Variants in GRIK5 observed in about 807,000 individuals in gnomAD.
GRIK5 encodes the protein glutamate receptor ionotropic, kainate 5.
Under a neutral mutation model 97.4 loss-of-function variants are expected in GRIK5, and 43 were observed. The ratio of observed to expected loss-of-function variants is 0.44; its 90% CI spans 0.35 to 0.57. The LOEUF (loss-of-function observed/expected upper bound fraction) is 0.57. Ranked by LOEUF, GRIK5 falls within the 20% of genes least tolerant of loss-of-function variation. The pLI is 0.01. For synonymous variants in GRIK5, 580 were observed against 583.5 expected (o/e 0.99, Z 0.09); for missense variants, 1,015 against 1,382.0 (o/e 0.73, Z 4.21).
chr19:42,010,961 A>G (rs1304754065), intron 15 of GRIK5, among the ~76,000 whole-genome samples: 2 of 151,900 alleles, frequency 1.3e-5, no homozygotes, highest in South Asian at 2.1e-4. Flanking sequence ...ATGCATCACC[A>G]TGCCTGGCTA....
chr19:42,012,900 G>C (rs1158515981), intron 15 of GRIK5, among the ~76,000 whole-genome samples: 6 of 151,378 alleles, frequency 4.0e-5, no homozygotes, highest in African/African-American at 1.5e-4. Flanking sequence ...TATGACACAT[G>C]ACTTATATAA....
intron 3 of GRIK5, chr19:42,063,359 AG>A: frequency 2.2e-6 from 1 of 456,718 alleles, no homozygotes; most frequent in East Asian, 6.9e-5. Context: ...CAAGACTGGG[AG>A]GTGGAAAGCT....
At chr19:42,007,978 T>C (rs1374039921) in intron 15 of GRIK5, among the ~76,000 whole-genome samples, 1 of 152,012 alleles carries the variant, frequency 6.6e-6, no homozygotes, top group Non-Finnish European at 1.5e-5. Flanking sequence ...AGAAAAAGTT[T>C]ATAAATACTC....
intron 12 of GRIK5, among the ~76,000 whole-genome samples, chr19:42,035,990 A>ATGTTTT: frequency 6.6e-6 from 1 of 152,240 alleles, no homozygotes; most frequent in African/African-American, 2.4e-5. Context: ...ACTTAATACA[A>ATGTTTT]ATATGTTTTA....
At chr19:42,026,549 C>T (rs1031508513) in intron 12 of GRIK5, among the ~76,000 whole-genome samples, 2 of 151,118 alleles carry the variant, frequency 1.3e-5, no homozygotes, top group African/African-American at 2.4e-5. Flanking sequence ...CCACCGCACC[C>T]GGCCCTATTT....
Position 42,010,325 on chromosome 19 carries a change from C to T in GRIK5, c.1872-3515G>A, listed in dbSNP as rs117883761. On this transcript the variant is annotated intron_variant, in intron 15 of 19. Transcript: ENST00000593562. The stretch of plus-strand genomic sequence containing the variant: ...ACTTGCAGATGTAAGCTCCATAAAC[C>T]CCAGGTAGGCTAAACACACATATTT... 3.9e-4 allele frequency among the ~76,000 whole-genome samples: 59 copies of T among 152,124 alleles called. No individual in the cohort carries two copies. In the East Asian group the frequency reaches 7.9e-3, roughly 20 times the overall value.
chr19:42,003,589 G>A lies in GRIK5; in HGVS notation c.2358C>T (p.Gly786=), dbSNP rs1555871643. ...EILKRKWWEG[G]RCPKEEDHRA... is the part of the protein sequence containing the mutation. ...GATGGTCCTCCTCCTTGGGGCACCGGCCCCCCTCCCACCACTTGCGCTTCA... is the reference window on the plus strand; with the variant it reads ...GATGGTCCTCCTCCTTGGGGCACCGACCCCCCTCCCACCACTTGCGCTTCA... The change falls in exon 18 of 20, where the codon GGC becomes GGT. Residue 786 remains glycine (G), a synonymous_variant. Transcript: ENST00000593562. This position sits in a 1 kb window ranked among gnomAD's most constrained non-coding sequence, Gnocchi z 4.2. 2 of 1,612,938 alleles carry A rather than the reference G, an allele frequency of 1.2e-6. No homozygotes were observed. Among genetic ancestry groups the A allele is most frequent in the East Asian group, 2.2e-5 (1 of 44,856 alleles).
chr19:42,066,129 G>C (rs886219101), intron 1 of GRIK5, among the ~76,000 whole-genome samples: 1 of 152,130 alleles, frequency 6.6e-6, no homozygotes, highest in Non-Finnish European at 1.5e-5. Flanking sequence ...TCTCAGGTAG[G>C]AGTGAATTCC....
chr19:42,057,329 G>A (rs1352340529), intron 6 of GRIK5, among the ~76,000 whole-genome samples: 1 of 151,856 alleles, frequency 6.6e-6, no homozygotes, highest in African/African-American at 2.4e-5. Context: ...TCCTTCTGGA[G>A]ATAGGCAAGA....
In GRIK5 at chr19:42,015,225, T is replaced by C. The variant is rs111259712; in HGVS notation, c.1871+6076A>G. 2.1e-4 allele frequency among the ~76,000 whole-genome samples: 32 copies of C among 152,220 alleles called. 1 individual carries two copies. The highest frequency in any genetic ancestry group is 7.5e-4 in the African/African-American group (31 of 41,538). Reference sequence around the variant, plus strand: ...CAATTACAGGGTGAGATTTCAAAACTCCTCTCAATAATTGATGGAACAAGT... The same window carrying C: ...CAATTACAGGGTGAGATTTCAAAACCCCTCTCAATAATTGATGGAACAAGT... On this transcript the variant is annotated intron_variant, in intron 15 of 19. Coordinates refer to ENST00000593562, the MANE Select transcript of GRIK5 (RefSeq NM_002088.5).
At chr19:42,059,272 T>C (rs2076227638) in intron 6 of GRIK5, 77 bp downstream of exon 6, 2 of 1,137,650 alleles carry the variant, frequency 1.8e-6, no homozygotes, top group Non-Finnish European at 2.6e-6. Context: ...CTGAGGCCCA[T>C]GGGCATTGGG....
intron 12 of GRIK5, among the ~76,000 whole-genome samples, chr19:42,039,101 T>C (rs1376276407): frequency 3.3e-5 from 5 of 152,146 alleles, no homozygotes; most frequent in Admixed American, 2.0e-4. Flanking sequence ...CACCAGCTCA[T>C]TCCTTATCTC....
chr19:42,052,274 T>TAA, intron 11 of GRIK5, among the ~76,000 whole-genome samples: 1 of 149,634 alleles, frequency 6.7e-6, no homozygotes, highest in East Asian at 2.0e-4. Context: ...TCCCTGACCT[T>TAA]TGCACCCTGT....
chr19:42,029,925 G>C (rs1446151186), intron 12 of GRIK5, among the ~76,000 whole-genome samples: 1 of 152,184 alleles, frequency 6.6e-6, no homozygotes, highest in East Asian at 1.9e-4. Context: ...TCAGCAGTCT[G>C]TCTCAGCTCT....
At position 42,042,520 on chromosome 19, in the gene GRIK5, A is replaced by G. The variant is rs767661419; in HGVS notation, c.1473+32T>C. ...CCGCCCTCCCTCACTCGCCGGGTCC[A>G]TGCATCTTTCCCGGCCCCAGTCCAG... On this transcript the variant is annotated intron_variant, in intron 12 of 19. Transcript: ENST00000593562. The surrounding 1 kb of genome is among the most constrained non-coding windows in gnomAD (Gnocchi z 6.9). 28 of 1,574,524 alleles carry G rather than the reference A, an allele frequency of 1.8e-5. No homozygotes were observed. The South Asian group carries it at 3.0e-4, about 17-fold the overall frequency.
At chr19:42,045,090 A>G (rs1449692545) in intron 11 of GRIK5, among the ~76,000 whole-genome samples, 2 of 152,238 alleles carry the variant, frequency 1.3e-5, no homozygotes, top group Non-Finnish European at 2.9e-5. Context: ...ACGGAGGCTC[A>G]AAGTGGTTAG....
At chr19:42,053,532 A>T in intron 11 of GRIK5, 70 bp downstream of exon 11, 1 of 930,810 alleles carries the variant, frequency 1.1e-6, no homozygotes, top group Non-Finnish European at 1.8e-6. Flanking sequence ...GCATCCCTCC[A>T]CCTCACGGTG....
rs1265192071 is a variant in GRIK5, at chr19:42,022,650, C to T, written c.1474-296G>A. The T allele has an allele frequency of 3.0e-6, 3 of 984,924 alleles. No individual in the cohort carries two copies. The African/African-American group carries it at 5.3e-5, about 17-fold the overall frequency. 61.0% of individuals were successfully genotyped at this position (984,924 alleles called of 1,614,324 possible). On this transcript the variant is annotated intron_variant, in intron 12 of 19. Transcript: ENST00000593562. This position sits in a 1 kb window ranked among gnomAD's most constrained non-coding sequence, Gnocchi z 4.2. ...TGGGGATGGAGGGGTTCCCCAAACT[C>T]CAATTCAAGCAGCAACTTCTCCCTA...
intron 6 of GRIK5, 59 bp from the exon 7 acceptor site, chr19:42,057,037 G>T: frequency 1.6e-6 from 2 of 1,283,026 alleles, no homozygotes; most frequent in Non-Finnish European, 2.2e-6. Context: ...AGGCAGAGAT[G>T]GGGAGGACTC....
Sources: gnomAD v4.1 joint callset for allele counts (sites outside exome capture counted in the v4.1 genomes callset) on GRCh38, gnomAD v4.1.1 for gene constraint, Gnocchi (gnomAD v3.1) non-coding constraint, MANE v1.5 for transcripts, NCBI Gene and HGNC (gene_info 2026-07-23, HGNC 2026-07-21) for gene names.